The following DLG1 variants were observed in gnomAD, a reference collection of about 807,000 sequenced individuals.
DLG1 encodes disks large homolog 1.
DLG1 carries 42 observed loss-of-function variants against 123.4 expected under a neutral mutation model. The observed-to-expected ratio is 0.34, with a 90% CI of 0.27 to 0.44. The LOEUF is 0.44. Among genes scored for constraint, DLG1 ranks in the 20% least tolerant of loss-of-function variants. The probability of loss-of-function intolerance (pLI) is 1.00; values close to 1 mark genes in which losing one functional copy is unlikely to be tolerated. For synonymous variants in DLG1, 317 were observed against 356.2 expected (o/e 0.89, Z 1.24); for missense variants, 942 against 1,082.6 (o/e 0.87, Z 1.82).
chr3:197,131,687 G>A (rs987878703), intron 10 of DLG1, among the ~76,000 whole-genome samples: 4 of 138,808 alleles, frequency 2.9e-5, no homozygotes, highest in Non-Finnish European at 6.1e-5. Flanking sequence ...TCCGCCTCCC[G>A]GGTTCACGCC....
chr3:197,258,409 G>T (rs982805645), intron 4 of DLG1, among the ~76,000 whole-genome samples: 1 of 107,544 alleles, frequency 9.3e-6, no homozygotes, highest in Non-Finnish European at 1.7e-5. Context: ...TCTTCATTGT[G>T]AAGAACATAT....
At chr3:197,223,135 C>G (rs1738013695) in intron 4 of DLG1, among the ~76,000 whole-genome samples, 1 of 152,160 alleles carries the variant, frequency 6.6e-6, no homozygotes, top group Non-Finnish European at 1.5e-5. Context: ...GCTTCATAGT[C>G]TCTACATTAA....
At position 197,130,689 on chromosome 3, in the gene DLG1, A is replaced by C. The variant is rs1239885166; in HGVS notation, c.1021-18T>G. The C allele has an allele frequency of 6.3e-7, 1 of 1,577,274 alleles. No individual in the cohort carries two copies. Among genetic ancestry groups the C allele is most frequent in the Non-Finnish European group, 8.6e-7 (1 of 1,163,654 alleles). On this transcript the variant is annotated intron_variant, in intron 10 of 24. Transcript: ENST00000667157. ...TTATTCACCTAAAAAAAGTCCCAAA[A>C]GACATTTATGACATATTCACTTGTT...
intron 4 of DLG1, among the ~76,000 whole-genome samples, chr3:197,229,773 C>T (rs1741916454): frequency 6.6e-6 from 1 of 152,184 alleles, no homozygotes; most frequent in Non-Finnish European, 1.5e-5. Flanking sequence ...GAAAATCATA[C>T]CTTAACAAGC....
At position 197,085,612 on chromosome 3, in the gene DLG1, G is replaced by A. The variant is rs957670885; in HGVS notation, c.1806C>T (p.Ser602=). Reference sequence around the variant, plus strand: ...TACTGGGAATCACTCCGACCTCATCGCTCTCACCATCTGGTGTAACCTGCC... The same window carrying A: ...TACTGGGAATCACTCCGACCTCATCACTCTCACCATCTGGTGTAACCTGCC... ...QARQVTPDGE[S]DEVGVIPSKR... The change falls in exon 16 of 25, where the codon AGC becomes AGT. Residue 602 remains serine (S), a synonymous_variant. Coordinates refer to ENST00000667157, the MANE Select transcript of DLG1 (RefSeq NM_001366207.1). The A allele has an allele frequency of 3.7e-6, 6 of 1,613,654 alleles. No individual in the cohort carries two copies. The highest frequency in any genetic ancestry group is 1.3e-5 in the African/African-American group (1 of 74,800).
At chr3:197,288,362 CAAAAAAAAAAAAAAAAA>C (rs1290725400) in intron 3 of DLG1, among the ~76,000 whole-genome samples, 1 of 45,572 alleles carries the variant, frequency 2.2e-5, no homozygotes, top group Non-Finnish European at 3.9e-5. Flanking sequence ...GACTCCGTCT[CAAAAAAAAAAAAAAAAA>C]AAAGAAAAGA....
chr3:197,102,970 A>T (rs1307581646), intron 14 of DLG1, among the ~76,000 whole-genome samples: 1 of 152,250 alleles, frequency 6.6e-6, no homozygotes, highest in Non-Finnish European at 1.5e-5. Flanking sequence ...TACAGGTTTT[A>T]AAACCCAAAT....
chr3:197,242,167 C>T (rs1749245579), intron 4 of DLG1, among the ~76,000 whole-genome samples: 1 of 151,888 alleles, frequency 6.6e-6, no homozygotes, highest in Non-Finnish European at 1.5e-5. Context: ...ATAAAGTGGA[C>T]TACAAATCAA....
intron 4 of DLG1, among the ~76,000 whole-genome samples, chr3:197,252,289 G>C (rs1368881473): frequency 6.6e-6 from 1 of 152,046 alleles, no homozygotes; most frequent in African/African-American, 2.4e-5. Flanking sequence ...AGATTATACT[G>C]TTTTCATAGC....
chr3:197,167,246 G>A (rs915743510), intron 5 of DLG1, among the ~76,000 whole-genome samples: 15 of 152,050 alleles, frequency 9.9e-5, no homozygotes, highest in African/African-American at 3.6e-4. Flanking sequence ...TGTAATGATG[G>A]AATTATAAAA....
chr3:197,059,861 A>G (rs1381311506), intron 23 of DLG1, 28 bp downstream of exon 23: 1 of 1,455,502 alleles, frequency 6.9e-7, no homozygotes, highest in African/African-American at 1.4e-5. Flanking sequence ...TTGTACACAG[A>G]GGCTATGCCT....
At chr3:197,170,280 T>C (rs1803494514) in intron 5 of DLG1, among the ~76,000 whole-genome samples, 1 of 152,186 alleles carries the variant, frequency 6.6e-6, no homozygotes, top group Admixed American at 6.5e-5. Context: ...CACCCAGTAA[T>C]AGGATTGCTG....
intron 14 of DLG1, among the ~76,000 whole-genome samples, chr3:197,104,192 A>G (rs967091331): frequency 1.3e-5 from 2 of 152,146 alleles, no homozygotes; most frequent in Non-Finnish European, 2.9e-5. Context: ...AATCTGGGTG[A>G]CCTAATTTTT....
chr3:197,134,745 A>AC (rs1233490702), intron 10 of DLG1, among the ~76,000 whole-genome samples: 7 of 152,236 alleles, frequency 4.6e-5, no homozygotes, highest in Non-Finnish European at 1.0e-4. Flanking sequence ...CATGTCACAA[A>AC]CCTATGTTTG....
At chr3:197,142,608 T>A in intron 7 of DLG1, 110 bp downstream of exon 7, 1 of 756,940 alleles carries the variant, frequency 1.3e-6, no homozygotes. Context: ...ACTGGGAACT[T>A]AGAAAATATC....
chr3:197,094,558 C>A (rs1197485656), intron 14 of DLG1, among the ~76,000 whole-genome samples: 1 of 152,146 alleles, frequency 6.6e-6, no homozygotes, highest in Admixed American at 6.5e-5. Context: ...AATTCTGTCC[C>A]CATTTTCTAA....
intron 4 of DLG1, 30 bp from the exon 5 acceptor site, chr3:197,194,619 T>C (rs778063907): frequency 3.6e-5 from 55 of 1,521,832 alleles, no homozygotes; most frequent in Non-Finnish European, 4.9e-5. Context: ...GAAGAAGCCC[T>C]GATAAGCAAC....
intron 19 of DLG1, among the ~76,000 whole-genome samples, chr3:197,067,545 CTG>C (rs1176434767): frequency 1.5e-5 from 2 of 135,654 alleles, no homozygotes; most frequent in East Asian, 2.4e-4. Flanking sequence ...GTTAAAAACT[CTG>C]AGAGTTTTTT....
intron 6 of DLG1, among the ~76,000 whole-genome samples, chr3:197,146,326 A>G (rs1018265709): frequency 6.6e-6 from 1 of 152,214 alleles, no homozygotes; most frequent in African/African-American, 2.4e-5. Context: ...TGGAACCAAA[A>G]AAGAGCCTCC....
Sources: allele counts gnomAD v4.1 joint callset (sites outside exome capture counted in the v4.1 genomes callset), GRCh38; gene constraint gnomAD v4.1.1; transcripts MANE v1.5; gene names NCBI Gene and HGNC (gene_info 2026-07-23, HGNC 2026-07-21).